Variants in DSCAM observed in about 807,000 individuals in gnomAD.
The protein encoded by DSCAM is DS cell adhesion molecule.
In DSCAM, 47 loss-of-function variants were observed where a neutral mutation model predicts 217.7. The observed-to-expected ratio is 0.22, with a 90% confidence interval of 0.17 to 0.28. DSCAM has a LOEUF of 0.28. Among genes scored for constraint, DSCAM ranks in the 10% least tolerant of loss-of-function variants. The pLI, the probability that DSCAM is intolerant of heterozygous loss-of-function variation, is 1.00. For synonymous variants in DSCAM, 1,056 were observed against 1,015.3 expected (o/e 1.04, Z -0.76); for missense variants, 2,080 against 2,618.3 (o/e 0.79, Z 4.49).
At position 40,270,910 on chromosome 21, in the gene DSCAM, A is replaced by T. The variant is rs2073607375; in HGVS notation, c.2356+5187T>A. 2.0e-5 allele frequency among the ~76,000 whole-genome samples: 3 copies of T among 152,344 alleles called. No homozygotes were observed. The South Asian group carries it at 6.2e-4, about 32-fold the overall frequency. ...GTGGCAGTGGGTGAGGGCAGAAAGT[A>T]AAGGAGGTTGACTATGGATTATCCA... On this transcript the variant is annotated intron_variant, in intron 11 of 32. Coordinates refer to ENST00000400454, the MANE Select transcript of DSCAM (RefSeq NM_001389.5).
At chr21:40,056,272 C>T (rs968855490) in intron 28 of DSCAM, among the ~76,000 whole-genome samples, 4 of 152,160 alleles carry the variant, frequency 2.6e-5, no homozygotes, top group South Asian at 4.2e-4. Context: ...AGCTGTTTGT[C>T]GGATGGGAGT....
At chr21:40,471,065 T>C (rs1486238144) in intron 3 of DSCAM, among the ~76,000 whole-genome samples, 2 of 152,200 alleles carry the variant, frequency 1.3e-5, no homozygotes, top group Non-Finnish European at 2.9e-5. Flanking sequence ...TTTTCTCCCT[T>C]TAATGTGTCA....
intron 3 of DSCAM, among the ~76,000 whole-genome samples, chr21:40,568,760 T>C (rs966262271): frequency 2.6e-4 from 40 of 152,196 alleles, no homozygotes; most frequent in African/African-American, 9.4e-4. Context: ...GTCTGCCCTA[T>C]AAGCAGACAA....
At chr21:40,730,400 T>C (rs1262391075) in intron 1 of DSCAM, among the ~76,000 whole-genome samples, 5 of 152,202 alleles carry the variant, frequency 3.3e-5, no homozygotes, top group African/African-American at 1.2e-4. Flanking sequence ...AAAATTGAGT[T>C]GTAAAGTCTG....
intron 3 of DSCAM, among the ~76,000 whole-genome samples, chr21:40,532,649 G>A (rs2076456571): frequency 6.6e-6 from 1 of 152,152 alleles, no homozygotes; most frequent in African/African-American, 2.4e-5. Context: ...CATGGGTGAT[G>A]GGGGCATGCT....
intron 15 of DSCAM, among the ~76,000 whole-genome samples, chr21:40,175,139 T>TCA (rs2090710406): frequency 6.6e-6 from 1 of 152,214 alleles, no homozygotes; most frequent in Admixed American, 6.5e-5. Context: ...ACAAGGAGTC[T>TCA]CACTCTGTTG....
intron 3 of DSCAM, among the ~76,000 whole-genome samples, chr21:40,461,486 G>A (rs758990334): frequency 1.3e-5 from 2 of 152,100 alleles, no homozygotes; most frequent in Non-Finnish European, 2.9e-5. Context: ...ACCTGCTCCA[G>A]GTAACCCAGC....
chr21:40,124,256 G>C lies in DSCAM; in HGVS notation c.3635C>G (p.Pro1212Arg), dbSNP rs1281768162. ...TCGGATGATGCCGTTCAGCTTGAGAGGGGGAAGCCAGGACACAAAGACCAT... is the reference window on the plus strand; with the variant it reads ...TCGGATGATGCCGTTCAGCTTGAGACGGGGAAGCCAGGACACAAAGACCAT... ...ASMVFVSWLP[P>R]LKLNGIIRKY... The change falls in exon 20 of 33, where the codon CCT (proline) becomes CGT (arginine). Residue 1212 changes from proline to arginine, a missense_variant. By Grantham distance (103) the Pro-to-Arg change is moderately radical. Coordinates refer to ENST00000400454, the MANE Select transcript of DSCAM (RefSeq NM_001389.5). 6.2e-7 allele frequency: 1 copy of C among 1,613,990 alleles called. No homozygotes were observed. Among genetic ancestry groups the C allele is most frequent in the Non-Finnish European group, 8.5e-7 (1 of 1,180,022 alleles).
rs1412785588 is a variant in DSCAM at position 40,797,078 on chromosome 21, T to C, written c.43+49541A>G. 2.6e-5 allele frequency among the ~76,000 whole-genome samples: 4 copies of C among 152,204 alleles called. No homozygotes were observed. The South Asian group carries it at 6.2e-4, about 24-fold the overall frequency. On this transcript the variant is annotated intron_variant, in intron 1 of 32. Transcript: ENST00000400454. Reference sequence around the variant, plus strand: ...ACCTCTTGTTCACAATCCAATAGCATGTTCATTGAACAAATAAACATTAGG... The same window carrying C: ...ACCTCTTGTTCACAATCCAATAGCACGTTCATTGAACAAATAAACATTAGG...
At chr21:40,127,241 A>G (rs762951439) in intron 19 of DSCAM, among the ~76,000 whole-genome samples, 4 of 152,184 alleles carry the variant, frequency 2.6e-5, no homozygotes, top group Non-Finnish European at 5.9e-5. Context: ...TCCTTGGATT[A>G]TATGTCACTA....
At chr21:40,813,055 T>G (rs1235728769) in intron 1 of DSCAM, among the ~76,000 whole-genome samples, 2 of 152,142 alleles carry the variant, frequency 1.3e-5, no homozygotes, top group African/African-American at 4.8e-5. Context: ...GATAAGTAAA[T>G]GGGTTTCGAC....
intron 1 of DSCAM, among the ~76,000 whole-genome samples, chr21:40,765,271 T>A (rs190186198): frequency 6.6e-6 from 1 of 152,256 alleles, no homozygotes; most frequent in Non-Finnish European, 1.5e-5. Context: ...CCATGCCCAA[T>A]TCCTTGCGCA....
chr21:40,333,628 G>T (rs1457037531), intron 8 of DSCAM, among the ~76,000 whole-genome samples: 2 of 152,188 alleles, frequency 1.3e-5, no homozygotes, highest in Non-Finnish European at 2.9e-5. Context: ...GTCTCCCAAA[G>T]TGCTGAGGTT....
intron 1 of DSCAM, among the ~76,000 whole-genome samples, chr21:40,820,390 C>A (rs1434619989): frequency 6.6e-6 from 1 of 152,070 alleles, no homozygotes; most frequent in African/African-American, 2.4e-5. Context: ...TGTTCTCACT[C>A]GTAAGTGGAA....
chr21:40,064,104 AAC>A (rs1294870659), intron 27 of DSCAM, among the ~76,000 whole-genome samples: 1 of 134,186 alleles, frequency 7.5e-6, no homozygotes, highest in African/African-American at 2.9e-5. Context: ...TGAATGATTT[AAC>A]ACTTACAAAG....
intron 11 of DSCAM, among the ~76,000 whole-genome samples, chr21:40,238,021 A>G (rs2073101670): frequency 6.6e-6 from 1 of 152,182 alleles, no homozygotes; most frequent in Non-Finnish European, 1.5e-5. Context: ...GGGGGTGTAT[A>G]GTTTTCTGTC....
chr21:40,357,064 A>G (rs549803856), intron 4 of DSCAM, among the ~76,000 whole-genome samples: 1 of 152,140 alleles, frequency 6.6e-6, no homozygotes, highest in East Asian at 1.9e-4. Context: ...AGCTTCCAGG[A>G]CTCCTCTAAT....
At chr21:40,301,780 T>C (rs1470950543) in intron 9 of DSCAM, among the ~76,000 whole-genome samples, 1 of 152,226 alleles carries the variant, frequency 6.6e-6, no homozygotes, top group Non-Finnish European at 1.5e-5. Context: ...AATCAATGAA[T>C]GTTATTACTT....
At chr21:40,108,353 T>C (rs1045041570) in intron 20 of DSCAM, among the ~76,000 whole-genome samples, 5 of 152,136 alleles carry the variant, frequency 3.3e-5, no homozygotes, top group African/African-American at 9.7e-5. Flanking sequence ...TCCTATCCTC[T>C]AACAACAGTC....
Sources: gnomAD v4.1 joint callset for allele counts (sites outside exome capture counted in the v4.1 genomes callset) on GRCh38, gnomAD v4.1.1 for gene constraint, MANE v1.5 for transcripts, NCBI Gene and HGNC (gene_info 2026-07-23, HGNC 2026-07-21) for gene names.